The following DSTN variants were observed in gnomAD, a reference collection of about 807,000 sequenced individuals.
DSTN encodes destrin, actin depolymerizing factor.
DSTN carries 10 observed loss-of-function variants against 16.8 expected under a neutral mutation model. The observed-to-expected ratio is 0.60, with a 90% CI of 0.37 to 1.01. The LOEUF is 1.01. Ranked by LOEUF, DSTN falls within the 50% of genes least tolerant of loss-of-function variation. The pLI, the probability that DSTN is intolerant of heterozygous loss-of-function variation, is 0.01. For missense variants in DSTN, 141 were observed against 196.7 expected (o/e 0.72, Z 1.69); for synonymous variants, 57 against 58.9 (o/e 0.97, Z 0.14).
At chr20:17,595,129 G>A (rs185072911) in intron 1 of DSTN, among the ~76,000 whole-genome samples, 19 of 152,274 alleles carry the variant, frequency 1.2e-4, no homozygotes, top group Middle Eastern at 3.4e-3. Flanking sequence ...ATCAGCCTCT[G>A]CTTTCCACTG....
At chr20:17,577,468 G>C (rs1407385624) in intron 1 of DSTN, among the ~76,000 whole-genome samples, 1 of 152,020 alleles carries the variant, frequency 6.6e-6, no homozygotes, top group Non-Finnish European at 1.5e-5. Context: ...TTGAGAGGTT[G>C]AGGCGGGAGA....
At chr20:17,605,908 G>A (rs2035637432) in intron 3 of DSTN, among the ~76,000 whole-genome samples, 1 of 151,766 alleles carries the variant, frequency 6.6e-6, no homozygotes, top group Admixed American at 6.6e-5. Context: ...TTCGAGACCA[G>A]CCTGACCAAC....
intron 3 of DSTN, chr20:17,605,269 C>CAGTTA (rs2035629597): frequency 2.4e-6 from 1 of 424,344 alleles, no homozygotes; most frequent in Admixed American, 2.6e-5. Context: ...GCACTGAGGG[C>CAGTTA]GAAGCCTGTC....
At chr20:17,586,998 A>C (rs2035416474) in intron 1 of DSTN, among the ~76,000 whole-genome samples, 1 of 152,128 alleles carries the variant, frequency 6.6e-6, no homozygotes, top group Non-Finnish European at 1.5e-5. Context: ...TGTTTTTGAG[A>C]ATAACACAGC....
intron 1 of DSTN, among the ~76,000 whole-genome samples, chr20:17,581,443 A>T (rs1442415913): frequency 6.6e-6 from 1 of 152,224 alleles, no homozygotes; most frequent in African/African-American, 2.4e-5. Context: ...AGTTCACGCC[A>T]TTGCCCTCCA....
At chr20:17,597,794 C>G (rs1221838153) in intron 1 of DSTN, among the ~76,000 whole-genome samples, 1 of 152,188 alleles carries the variant, frequency 6.6e-6, no homozygotes, top group Non-Finnish European at 1.5e-5. Flanking sequence ...TGTCAACTTC[C>G]AGAACATTTT....
intron 1 of DSTN, among the ~76,000 whole-genome samples, chr20:17,579,153 G>T (rs968830908): frequency 3.9e-5 from 6 of 152,110 alleles, no homozygotes; most frequent in Non-Finnish European, 8.8e-5. Flanking sequence ...TCTGCCACTT[G>T]CACTAACTGT....
chr20:17,597,499 T>C (rs888246680), intron 1 of DSTN, among the ~76,000 whole-genome samples: 1 of 152,156 alleles, frequency 6.6e-6, no homozygotes, highest in Non-Finnish European at 1.5e-5. Flanking sequence ...GGGGTACAAG[T>C]GTAATTTTGC....
intron 1 of DSTN, among the ~76,000 whole-genome samples, chr20:17,589,245 G>A (rs1568735110): frequency 6.6e-6 from 1 of 150,624 alleles, no homozygotes; most frequent in East Asian, 2.0e-4. Flanking sequence ...CAGTCTTGCT[G>A]TGTCGCCCAG....
At chr20:17,587,369 T>A (rs2035421876) in intron 1 of DSTN, among the ~76,000 whole-genome samples, 1 of 152,158 alleles carries the variant, frequency 6.6e-6, no homozygotes, top group African/African-American at 2.4e-5. Context: ...TGGGCCCAAG[T>A]GATCCTCCCT....
Position 17,609,638 on chromosome 20 carries a change from A to G in DSTN, c.*2492A>G, listed in dbSNP as rs544719365. The G allele has an allele frequency of 6.6e-6, 1 of 152,312 alleles. No homozygotes were observed. The highest frequency in any genetic ancestry group is 1.9e-4 in the East Asian group (1 of 5,176). 9.4% of individuals were successfully genotyped at this position (152,312 alleles called of 1,614,324 possible). A position where few individuals can be genotyped will look rare whatever the true frequency, so the allele number is the denominator to read the frequency against. ...ATGCTAGTAGTTAGTCTCTAGGGGA[A>G]CTTTTGAGAAAGTCTCAGTGGATTC... is the stretch of plus-strand genomic sequence containing the variant. On this transcript the variant is annotated 3_prime_UTR_variant, in exon 4 of 4. Transcript: ENST00000246069.
chr20:17,602,214 T>C (rs2035594715), intron 2 of DSTN, among the ~76,000 whole-genome samples: 2 of 152,218 alleles, frequency 1.3e-5, no homozygotes, highest in Non-Finnish European at 2.9e-5. Context: ...TTCAGGCAGC[T>C]TAGAGTCCAT....
chr20:17,604,516 C>T, intron 2 of DSTN, 39 bp from the exon 3 acceptor site: 2 of 1,590,722 alleles, frequency 1.3e-6, no homozygotes, highest in Admixed American at 1.8e-5. Context: ...TATACTTTCT[C>T]TAAACCACTT....
intron 1 of DSTN, among the ~76,000 whole-genome samples, chr20:17,597,024 A>G (rs1223410722): frequency 6.6e-6 from 1 of 152,200 alleles, no homozygotes; most frequent in African/African-American, 2.4e-5. Context: ...TGTGACTTCA[A>G]CATTATGGAC....
chr20:17,594,785 A>C (rs1445126300), intron 1 of DSTN, among the ~76,000 whole-genome samples: 1 of 152,264 alleles, frequency 6.6e-6, no homozygotes, highest in Non-Finnish European at 1.5e-5. Context: ...AATGTATCAG[A>C]GAAAGATGAA....
intron 1 of DSTN, among the ~76,000 whole-genome samples, chr20:17,574,272 AT>A (rs1161042810): frequency 6.6e-6 from 1 of 152,184 alleles, no homozygotes; most frequent in African/African-American, 2.4e-5. Context: ...TTTCTGGCAC[AT>A]AAATTTCTTT....
chr20:17,591,012 GT>G (rs1336048718), intron 1 of DSTN, among the ~76,000 whole-genome samples: 1 of 152,174 alleles, frequency 6.6e-6, no homozygotes, highest in African/African-American at 2.4e-5. Flanking sequence ...GGATGCTGAG[GT>G]AAGAGGATCG....
At chr20:17,574,870 G>GTTTTTTTTTTTT (rs533880691) in intron 1 of DSTN, among the ~76,000 whole-genome samples, 21 of 81,156 alleles carry the variant, frequency 2.6e-4, no homozygotes, top group East Asian at 8.8e-4. Flanking sequence ...CTTTTCTTTT[G>GTTTTTTTTTTTT]TTTTTTTTTT....
chr20:17,578,687 G>A (rs140150090), intron 1 of DSTN, among the ~76,000 whole-genome samples: 320 of 152,326 alleles, frequency 2.1e-3, no homozygotes, highest in African/African-American at 6.5e-3. Flanking sequence ...GTGGCCGGGC[G>A]TGGTGGCTCA....
Sources: gnomAD v4.1 joint callset for allele counts (sites outside exome capture counted in the v4.1 genomes callset) on GRCh38, gnomAD v4.1.1 for gene constraint, MANE v1.5 for transcripts, NCBI Gene and HGNC (gene_info 2026-07-23, HGNC 2026-07-21) for gene names.